FCRL5: variants seen among roughly 807,000 people sequenced by gnomAD.
The protein encoded by FCRL5 is Fc receptor like 5.
In FCRL5, 79 loss-of-function variants were observed where a neutral mutation model predicts 92.1. That is an observed-to-expected ratio of 0.86 (90% CI 0.72 to 1.03). The LOEUF (loss-of-function observed/expected upper bound fraction) is 1.03, where lower values mean the gene tolerates loss of function less well. FCRL5 is among the 50% of genes least tolerant of loss of function. The pLI, the probability that FCRL5 is intolerant of heterozygous loss-of-function variation, is 0.00. For synonymous variants in FCRL5, 466 were observed against 469.3 expected (o/e 0.99, Z 0.09); for missense variants, 1,160 against 1,181.1 (o/e 0.98, Z 0.26).
intron 3 of FCRL5, 33 bp downstream of exon 3, chr1:157,546,910 T>G: frequency 6.2e-7 from 1 of 1,600,168 alleles, no homozygotes; most frequent in Non-Finnish European, 8.5e-7. Context: ...TGAATTGATT[T>G]CTAAAGTTGG....
At position 157,543,066 on chromosome 1, in the gene FCRL5, G is replaced by A. The variant is rs1651346780; in HGVS notation, c.916C>T (p.Leu306Phe). 6.2e-7 allele frequency: 1 copy of A among 1,614,264 alleles called. No homozygotes were observed. The highest frequency in any genetic ancestry group is 1.3e-5 in the African/African-American group (1 of 75,076). ...ALNFEGTKVT[L>F]HCETQEDSLR... ...GAATCTTCCTGGGTTTCACAGTGAA[G>A]TGTCACCTTGGTTCCCTCAAAATTC... is the stretch of plus-strand genomic sequence containing the variant. The change falls in exon 6 of 17, where the codon CTT (leucine) becomes TTT (phenylalanine). Residue 306 changes from leucine (L) to phenylalanine (F), a missense_variant. Physicochemically the swap from Leu to Phe is conservative, Grantham distance 22. Transcript: ENST00000361835.
At chr1:157,545,952 AT>A (rs1382270158) in intron 3 of FCRL5, among the ~76,000 whole-genome samples, 1 of 152,202 alleles carries the variant, frequency 6.6e-6, no homozygotes, top group African/African-American at 2.4e-5. Context: ...ATTTTTGTTT[AT>A]TCCTTGCTAG....
chr1:157,524,874 GGA>G (rs1401348178), intron 9 of FCRL5, among the ~76,000 whole-genome samples: 1 of 152,200 alleles, frequency 6.6e-6, no homozygotes. Flanking sequence ...ATGAAGAACA[GGA>G]GAGACTTGCT....
At chr1:157,548,703 A>G (rs142029782) in intron 2 of FCRL5, among the ~76,000 whole-genome samples, 3,201 of 152,360 alleles carry the variant, frequency 0.021, 101 homozygotes, top group African/African-American at 0.071. Flanking sequence ...ATCACTGGCC[A>G]TCAGAGAAAT....
Position 157,519,759 on chromosome 1 carries a change from C to G in FCRL5, c.2644G>C (p.Ala882Pro), listed in dbSNP as rs758511781. ...WLSRKAGRKPASDPARSPSDS... is the reference protein window; with the variant it reads ...WLSRKAGRKPPSDPARSPSDS... ...AGCTCTTACCTGGCGGGGTCAGAGG[C>G]AGGCTTTCTCCCTGTAAAGGAAAGC... The change falls in exon 13 of 17, where the codon GCC becomes CCC. Residue 882 changes from alanine to proline, a missense_variant. Ala to Pro is a conservative substitution (Grantham distance 27). Coordinates refer to ENST00000361835, the MANE Select transcript of FCRL5 (RefSeq NM_031281.3). The G allele has an allele frequency of 7.4e-6, 12 of 1,614,030 alleles. No individual in the cohort carries two copies. The highest frequency in any genetic ancestry group is 8.5e-6 in the Non-Finnish European group (10 of 1,179,992).
chr1:157,534,832 G>A lies in FCRL5; in HGVS notation c.1463C>T (p.Ala488Val), dbSNP rs1029376464. 3 of 1,593,226 alleles carry A rather than the reference G, an allele frequency of 1.9e-6. No homozygotes were observed. Among genetic ancestry groups the A allele is most frequent in the South Asian group, 2.3e-5 (2 of 86,662 alleles). ...SSAEALTFEG[A>V]TVTLHCEVQR... Reference sequence around the variant, plus strand: ...GACTTCACAGTGAAGTGTCACAGTGGCTCCTTCAAAAGTCAGGGCCTCAGC... The same window carrying A: ...GACTTCACAGTGAAGTGTCACAGTGACTCCTTCAAAAGTCAGGGCCTCAGC... Residue 488 changes from alanine (A) to valine (V), a missense_variant, in exon 8 of 17, where the codon GCC (alanine) becomes GTC (valine). Transcript: ENST00000361835.
chr1:157,551,392 G>A (rs923937199), intron 1 of FCRL5, among the ~76,000 whole-genome samples: 3 of 152,170 alleles, frequency 2.0e-5, no homozygotes, highest in Admixed American at 6.5e-5. Context: ...TATCACGCCT[G>A]CTCCATTTCT....
chr1:157,515,489 C>G lies in FCRL5; in HGVS notation c.*186G>C, dbSNP rs1019502637. Reference sequence around the variant, plus strand: ...AAAAACCTGCCAGTCAGGGCTTTAACTGGGAAACAGGTGACAGTCCAGCAG... The same window carrying G: ...AAAAACCTGCCAGTCAGGGCTTTAAGTGGGAAACAGGTGACAGTCCAGCAG... On this transcript the variant is annotated 3_prime_UTR_variant, in exon 17 of 17. Coordinates refer to ENST00000361835, the MANE Select transcript of FCRL5 (RefSeq NM_031281.3). 1 of 1,323,808 alleles carries G rather than the reference C, an allele frequency of 7.6e-7. No individual in the cohort carries two copies. The highest frequency in any genetic ancestry group is 1.0e-6 in the Non-Finnish European group (1 of 965,056). The allele number at this position is 1,323,808 out of a possible 1,614,324, so 82.0% of individuals were successfully genotyped here.
chr1:157,543,049 C>A lies in FCRL5; in HGVS notation c.933G>T (p.Gln311His). 6.2e-7 allele frequency: 1 copy of A among 1,614,236 alleles called. No homozygotes were observed. Among genetic ancestry groups the A allele is most frequent in the South Asian group, 1.1e-5 (1 of 91,086 alleles). ...TGTACAAAGTGCGCAGAGAATCTTCCTGGGTTTCACAGTGAAGTGTCACCT... is the reference window on the plus strand; with the variant it reads ...TGTACAAAGTGCGCAGAGAATCTTCATGGGTTTCACAGTGAAGTGTCACCT... ...GTKVTLHCET[Q>H]EDSLRTLYRF... The change falls in exon 6 of 17, where the codon CAG becomes CAT. Residue 311 changes from glutamine to histidine, a missense_variant. Gln to His is a conservative substitution (Grantham distance 24). Transcript: ENST00000361835.
chr1:157,527,779 A>T lies in FCRL5; in HGVS notation c.1798T>A (p.Phe600Ile). The T allele has an allele frequency of 6.2e-7, 1 of 1,614,004 alleles. No homozygotes were observed. Among genetic ancestry groups the T allele is most frequent in the South Asian group, 1.1e-5 (1 of 91,058 alleles). ...PRGSPPILYW[F>I]YHEDVTLGSS... The stretch of plus-strand genomic sequence containing the variant: ...CCCAGGGTGACATCCTCATGATAAA[A>T]CCAGTACAGGATTGGGGGAGAGCCT... The change falls in exon 9 of 17, where the codon TTT becomes ATT. Residue 600 changes from phenylalanine (F) to isoleucine (I), a missense_variant. Physicochemically the swap from Phe to Ile is conservative, Grantham distance 21 (BLOSUM62 0). Coordinates refer to ENST00000361835, the MANE Select transcript of FCRL5 (RefSeq NM_031281.3).
rs747720233 is a variant in FCRL5, at chr1:157,552,339, C to A, written c.24G>T (p.Leu8=). The A allele has an allele frequency of 6.2e-7, 1 of 1,614,096 alleles. No individual in the cohort carries two copies. The highest frequency in any genetic ancestry group is 1.7e-5 in the Admixed American group (1 of 60,014). MLLWVIL[L]VLAPVSGQFA... is the part of the protein sequence containing the mutation. ...GTGAGCCCTTTTACTCACCCAGGAC[C>A]AGTAATATCACCCACAGCAGCATGA... The change falls in exon 1 of 17, where the codon CTG becomes CTT. Residue 8 remains leucine, a synonymous_variant. Coordinates refer to ENST00000361835, the MANE Select transcript of FCRL5 (RefSeq NM_031281.3).
chr1:157,523,602 AAG>A (rs1166246514), intron 10 of FCRL5, among the ~76,000 whole-genome samples: 1 of 152,218 alleles, frequency 6.6e-6, no homozygotes, highest in Non-Finnish European at 1.5e-5. Context: ...CATCACCAAA[AAG>A]ATTCAGAGCT....
rs1253529981 is a variant in FCRL5, at chr1:157,514,652, T to G, written c.*1023A>C. The G allele has an allele frequency of 6.6e-6, 1 of 152,242 alleles. No individual in the cohort carries two copies. The highest frequency in any genetic ancestry group is 1.5e-5 in the Non-Finnish European group (1 of 68,106). 9.4% of individuals were successfully genotyped at this position (152,242 alleles called of 1,614,324 possible). Reference sequence around the variant, plus strand: ...CTGGGAACATGTTAGAATGGCAGTCTCAGGCTCTACGCAGACCCACTGAAT... The same window carrying G: ...CTGGGAACATGTTAGAATGGCAGTCGCAGGCTCTACGCAGACCCACTGAAT... On this transcript the variant is annotated 3_prime_UTR_variant, in exon 17 of 17. Coordinates refer to ENST00000361835, the MANE Select transcript of FCRL5 (RefSeq NM_031281.3).
chr1:157,539,838 T>C (rs1394938241), intron 6 of FCRL5, among the ~76,000 whole-genome samples: 2 of 152,244 alleles, frequency 1.3e-5, no homozygotes, highest in African/African-American at 4.8e-5. Flanking sequence ...AATTGTGTAT[T>C]CTGCTAAAGG....
chr1:157,535,034 T>A, intron 7 of FCRL5, 142 bp from the exon 8 acceptor site: 1 of 655,700 alleles, frequency 1.5e-6, no homozygotes, highest in Non-Finnish European at 2.4e-6. Flanking sequence ...ACTTCTCAGG[T>A]TTCTGTGACC....
rs1651723078 is a variant in FCRL5, at chr1:157,549,633, T to C, written c.32-53A>G. Reference sequence around the variant, plus strand: ...GCACAGAACCATGATTATTTTGTTTTAAGAAGATAATTCCCTTTTTTACCC... The same window carrying C: ...GCACAGAACCATGATTATTTTGTTTCAAGAAGATAATTCCCTTTTTTACCC... On this transcript the variant is annotated intron_variant, in intron 1 of 16. Coordinates refer to ENST00000361835, the MANE Select transcript of FCRL5 (RefSeq NM_031281.3). 12 of 1,565,588 alleles carry C rather than the reference T, an allele frequency of 7.7e-6. No individual in the cohort carries two copies. The Admixed American group carries it at 1.3e-4, about 17-fold the overall frequency.
Position 157,519,776 on chromosome 1 carries a change from A to C in FCRL5, c.2633-6T>G, listed in dbSNP as rs1650094094. 1 of 1,613,844 alleles carries C rather than the reference A, an allele frequency of 6.2e-7. No individual in the cohort carries two copies. Among genetic ancestry groups the C allele is most frequent in the Non-Finnish European group, 8.5e-7 (1 of 1,179,928 alleles). On this transcript the variant is annotated splice_polypyrimidine_tract_variant and splice_region_variant and intron_variant, in intron 12 of 16. Transcript: ENST00000361835. ...GTCAGAGGCAGGCTTTCTCCCTGTA[A>C]AGGAAAGCAGAGGAGCATTGGATTC...
rs1650648882 is a variant in FCRL5, at chr1:157,530,505, T to A, written c.1682-2610A>T. Among the ~76,000 whole-genome samples the A allele has an allele frequency of 2.0e-5, 3 of 152,204 alleles. No homozygotes were observed. The South Asian group carries it at 6.2e-4, about 32-fold the overall frequency. The stretch of plus-strand genomic sequence containing the variant: ...CCTCAGCCTCCTGAATAGCTGGGAT[T>A]ACAGGCATGCACGACCATACCCGGC... On this transcript the variant is annotated intron_variant, in intron 8 of 16. Coordinates refer to ENST00000361835, the MANE Select transcript of FCRL5 (RefSeq NM_031281.3).
At chr1:157,520,928 C>T in intron 11 of FCRL5, 89 bp downstream of exon 11, 1 of 1,436,540 alleles carries the variant, frequency 7.0e-7, no homozygotes, top group Non-Finnish European at 9.4e-7. Flanking sequence ...CTGAGGAGTG[C>T]CTTTCTGATC....
Sources: gnomAD v4.1 joint callset for allele counts (sites outside exome capture counted in the v4.1 genomes callset) on GRCh38, gnomAD v4.1.1 for gene constraint, MANE v1.5 for transcripts, NCBI Gene and HGNC (gene_info 2026-07-23, HGNC 2026-07-21) for gene names.